VPS8: variants seen among roughly 807,000 people sequenced by gnomAD.
The protein encoded by VPS8 is vacuolar protein sorting-associated protein 8 homolog.
Under a neutral mutation model 216.4 loss-of-function variants are expected in VPS8, and 129 were observed. The observed-to-expected ratio is 0.60, with a 90% CI of 0.52 to 0.69. The LOEUF (loss-of-function observed/expected upper bound fraction) is 0.69. VPS8 is among the 30% of genes least tolerant of loss of function. VPS8 has a pLI of 0.00. For missense variants in VPS8, 1,531 were observed against 1,683.5 expected (o/e 0.91, Z 1.59); for synonymous variants, 571 against 565.4 (o/e 1.01, Z -0.14).
intron 8 of VPS8, among the ~76,000 whole-genome samples, chr3:184,848,444 A>G (rs1577877618): frequency 1.3e-5 from 2 of 152,200 alleles, no homozygotes; most frequent in African/African-American, 2.4e-5. Context: ...AAGAAATACA[A>G]TTCTAGGATG....
intron 25 of VPS8, 113 bp from the exon 26 acceptor site, chr3:184,913,406 A>G (rs1037804020): frequency 1.1e-6 from 1 of 874,484 alleles, no homozygotes; most frequent in Non-Finnish European, 1.8e-6. Flanking sequence ...ATTTGGGAAT[A>G]TACTTACCTC....
rs1264321574 is a variant in VPS8 at position 185,004,844 on chromosome 3, T to C, written c.4002+4983T>C. 2.6e-5 allele frequency among the ~76,000 whole-genome samples: 4 copies of C among 152,292 alleles called. No homozygotes were observed. The East Asian group carries it at 7.7e-4, about 29-fold the overall frequency. ...TTACTCTGCTGATTATTTCTTTTGC[T>C]GTGCAGAACCTTTTTAGTTTAATTA... is the stretch of plus-strand genomic sequence containing the variant. On this transcript the variant is annotated intron_variant, in intron 45 of 47. Coordinates refer to ENST00000625842, the MANE Select transcript of VPS8 (RefSeq NM_001009921.3).
At chr3:184,932,047 T>A (rs1285883611) in intron 34 of VPS8, among the ~76,000 whole-genome samples, 2 of 152,272 alleles carry the variant, frequency 1.3e-5, no homozygotes, top group African/African-American at 4.8e-5. Context: ...GCTGACTAGT[T>A]TTTCCCACAT....
At position 184,999,841 on chromosome 3, in the gene VPS8, G is replaced by T; in HGVS notation, c.3982G>T (p.Gly1328Ter). The T allele has an allele frequency of 6.2e-7, 1 of 1,611,478 alleles. No individual in the cohort carries two copies. ...TGAAAATTCATCTGAAATTAAAAAGGGAAGGATAACCCCATCACAGGTAAG... is the reference window on the plus strand; with the variant it reads ...TGAAAATTCATCTGAAATTAAAAAGTGAAGGATAACCCCATCACAGGTAAG... ...LSENSSEIKK[G>*]RITPSQVKMS... The change falls in exon 45 of 48, where the codon GGA (glycine) becomes TGA (stop). Residue 1328 changes from glycine to a stop codon, truncating the protein, a stop_gained. Transcript: ENST00000625842. LOFTEE classifies it high-confidence loss of function.
chr3:184,921,766 T>C (rs1738665340), intron 29 of VPS8, among the ~76,000 whole-genome samples: 1 of 152,156 alleles, frequency 6.6e-6, no homozygotes, highest in African/African-American at 2.4e-5. Flanking sequence ...GTTTTCACCA[T>C]GTTGGCCAGG....
At chr3:184,892,406 G>A (rs185853210) in intron 22 of VPS8, among the ~76,000 whole-genome samples, 39 of 152,172 alleles carry the variant, frequency 2.6e-4, no homozygotes, top group African/African-American at 9.2e-4. Context: ...TAGTAGAGAC[G>A]GGGTTTCCCC....
intron 10 of VPS8, among the ~76,000 whole-genome samples, chr3:184,851,638 C>G (rs746442069): frequency 1.3e-5 from 2 of 152,154 alleles, no homozygotes; most frequent in Non-Finnish European, 2.9e-5. Flanking sequence ...GCTTCCCACT[C>G]TGGCAACTGC....
rs192630955 is a variant in VPS8 at position 184,914,230 on chromosome 3, A to G, written c.2189+669A>G. The stretch of plus-strand genomic sequence containing the variant: ...TTCACACTTGTTACATTGATTCTTT[A>G]GTGTGAAAGAAATACGCATTTACTT... On this transcript the variant is annotated intron_variant, in intron 26 of 47. Transcript: ENST00000625842. Among the ~76,000 whole-genome samples the G allele has an allele frequency of 2.3e-3, 343 of 152,326 alleles. 1 individual carries two copies. Among genetic ancestry groups the G allele is most frequent in the African/African-American group, 8.0e-3 (331 of 41,566 alleles).
chr3:184,832,594 A>C, intron 3 of VPS8, 95 bp from the exon 4 acceptor site: 1 of 1,107,414 alleles, frequency 9.0e-7, no homozygotes, highest in Non-Finnish European at 1.3e-6. Context: ...AGCAGAAATA[A>C]GCACTTGTGT....
Position 184,955,953 on chromosome 3 carries a change from G to A in VPS8, c.3036-1421G>A, listed in dbSNP as rs534503472. ...CACTGAACAAACTTCTGTATTAAAG[G>A]CAGTTATAAGATACAAAAAAAAAAA... On this transcript the variant is annotated intron_variant, in intron 36 of 47. Transcript: ENST00000625842. Among the ~76,000 whole-genome samples the A allele has an allele frequency of 2.7e-5, 3 of 110,828 alleles. No homozygotes were observed. In the South Asian group the frequency reaches 1.1e-3, roughly 41 times the overall value. 72.7% of individuals were successfully genotyped at this position (110,828 alleles called of 152,430 possible). A position where few individuals can be genotyped will look rare whatever the true frequency, so the allele number is the denominator to read the frequency against.
At chr3:184,869,589 A>G in intron 20 of VPS8, 61 bp downstream of exon 20, 1 of 1,553,766 alleles carries the variant, frequency 6.4e-7, no homozygotes, top group Non-Finnish European at 8.9e-7. Flanking sequence ...GTCATTTGCC[A>G]GTATCTTTGG....
intron 47 of VPS8, among the ~76,000 whole-genome samples, chr3:185,051,599 G>C (rs953500370): frequency 6.6e-6 from 1 of 152,172 alleles, no homozygotes; most frequent in East Asian, 1.9e-4. Context: ...GGGTGGGAGA[G>C]CTCTCCAGTG....
At chr3:184,977,230 T>C (rs1352774912) in intron 40 of VPS8, among the ~76,000 whole-genome samples, 1 of 152,230 alleles carries the variant, frequency 6.6e-6, no homozygotes, top group Admixed American at 6.5e-5. Flanking sequence ...TTTTTTTTCA[T>C]ATGTTTATTG....
In VPS8 at chr3:184,936,340, A is replaced by G. The variant is rs986086643; in HGVS notation, c.2988+5A>G. On this transcript the variant is annotated splice_donor_5th_base_variant and intron_variant, in intron 35 of 47. Coordinates refer to ENST00000625842, the MANE Select transcript of VPS8 (RefSeq NM_001009921.3). ...ACGGTCATTAAAAAACTTCAGGTACATATTGCAAATATATATTGGGGAAAA... is the reference window on the plus strand; with the variant it reads ...ACGGTCATTAAAAAACTTCAGGTACGTATTGCAAATATATATTGGGGAAAA... 6.2e-7 allele frequency: 1 copy of G among 1,600,304 alleles called. No individual in the cohort carries two copies. Among genetic ancestry groups the G allele is most frequent in the African/African-American group, 1.3e-5 (1 of 74,834 alleles).
chr3:184,878,141 A>T (rs1056955355), intron 21 of VPS8, among the ~76,000 whole-genome samples: 6 of 151,490 alleles, frequency 4.0e-5, no homozygotes, highest in Admixed American at 2.6e-4. Flanking sequence ...ATGGAGTCTC[A>T]CTCTTGTCCT....
At chr3:185,014,460 G>C (rs192903890) in intron 45 of VPS8, among the ~76,000 whole-genome samples, 1 of 152,242 alleles carries the variant, frequency 6.6e-6, no homozygotes, top group East Asian at 1.9e-4. Context: ...TGTTGATTCG[G>C]TCCTGGAGAA....
At chr3:184,901,863 A>G (rs902998210) in intron 25 of VPS8, among the ~76,000 whole-genome samples, 5 of 152,120 alleles carry the variant, frequency 3.3e-5, no homozygotes, top group South Asian at 4.1e-4. Context: ...AGCTACTGCT[A>G]TATGGTTTTT....
chr3:184,962,977 C>CA (rs1359459788), intron 37 of VPS8, among the ~76,000 whole-genome samples: 4 of 152,038 alleles, frequency 2.6e-5, no homozygotes, highest in Non-Finnish European at 4.4e-5. Flanking sequence ...GCCATACTGC[C>CA]ATATACTAAA....
chr3:184,904,861 T>G (rs1056095600), intron 25 of VPS8, among the ~76,000 whole-genome samples: 10 of 152,202 alleles, frequency 6.6e-5, no homozygotes, highest in Admixed American at 5.9e-4. Context: ...TTAAAATTAT[T>G]AGTTGTTTTG....
Sources: gnomAD v4.1 joint callset for allele counts (sites outside exome capture counted in the v4.1 genomes callset) on GRCh38, gnomAD v4.1.1 for gene constraint, MANE v1.5 for transcripts, NCBI Gene and HGNC (gene_info 2026-07-23, HGNC 2026-07-21) for gene names.